Variants in AFG1L observed in about 807,000 individuals in gnomAD.
AFG1L encodes the protein AFG1-like ATPase.
Under a neutral mutation model 62.2 loss-of-function variants are expected in AFG1L, and 53 were observed. The ratio of observed to expected loss-of-function variants is 0.85; its 90% CI spans 0.68 to 1.07. The LOEUF is 1.07. Ranked by LOEUF, AFG1L falls within the 50% of genes least tolerant of loss-of-function variation. AFG1L has a pLI of 0.00. For synonymous variants in AFG1L, 228 were observed against 210.3 expected, an observed-to-expected ratio of 1.08 and a Z score of -0.73; for missense variants, 555 against 590.5, an observed-to-expected ratio of 0.94 and a Z score of 0.62.
intron 10 of AFG1L, among the ~76,000 whole-genome samples, chr6:108,486,827 C>T (rs1773592293): frequency 6.6e-6 from 1 of 152,088 alleles, no homozygotes; most frequent in African/African-American, 2.4e-5. Context: ...GCCTCAGCCT[C>T]CCAAATAGCA....
chr6:108,503,523 G>A (rs915767366), intron 10 of AFG1L, among the ~76,000 whole-genome samples: 18 of 152,112 alleles, frequency 1.2e-4, no homozygotes, highest in African/African-American at 4.1e-4. Flanking sequence ...CTTAAAATAC[G>A]TAGTAAACCA....
At chr6:108,492,230 G>A (rs935010371) in intron 10 of AFG1L, among the ~76,000 whole-genome samples, 8 of 152,262 alleles carry the variant, frequency 5.3e-5, no homozygotes, top group Admixed American at 4.6e-4. Context: ...TCTAGAACCT[G>A]ACCTTGCACT....
chr6:108,399,174 G>GTTTTTTTTTTTTT (rs1424528059), intron 6 of AFG1L, among the ~76,000 whole-genome samples: 1 of 51,414 alleles, frequency 1.9e-5, no homozygotes, highest in Non-Finnish European at 3.7e-5. Flanking sequence ...CACTTCTTTT[G>GTTTTTTTTTTTTT]TTTGTTTTTT....
chr6:108,312,397 A>C (rs1041270521), intron 1 of AFG1L, among the ~76,000 whole-genome samples: 16 of 151,956 alleles, frequency 1.1e-4, no homozygotes, highest in African/African-American at 3.6e-4. Flanking sequence ...AAAAATAAAA[A>C]ATTACCCAGG....
chr6:108,515,831 C>T (rs1209245743), intron 11 of AFG1L, among the ~76,000 whole-genome samples: 3 of 152,136 alleles, frequency 2.0e-5, no homozygotes, highest in Non-Finnish European at 4.4e-5. Context: ...CACCACTGAT[C>T]CCACAGAAAT....
intron 3 of AFG1L, among the ~76,000 whole-genome samples, chr6:108,347,775 CTTTTTTGCCTCCTTGCTTTCAATTAT>C (rs1176572898): frequency 2.0e-5 from 3 of 152,126 alleles, no homozygotes; most frequent in Non-Finnish European, 4.4e-5. Context: ...TTCTACTTGG[CTTTTTTGCCTCCTTGCTTTCAATTAT>C]TTCTTTGATG....
intron 8 of AFG1L, among the ~76,000 whole-genome samples, chr6:108,463,286 C>CA (rs56937746): frequency 0.058 from 2,310 of 39,932 alleles, 106 homozygotes; most frequent in Middle Eastern, 0.11. Flanking sequence ...GAGACTCTGT[C>CA]AAAAAAAAAA....
intron 7 of AFG1L, among the ~76,000 whole-genome samples, chr6:108,423,636 G>A (rs1308651720): frequency 6.6e-6 from 1 of 151,940 alleles, no homozygotes; most frequent in African/African-American, 2.4e-5. Context: ...GCGTTAAATA[G>A]TATATATAGG....
chr6:108,476,941 T>G lies in AFG1L; in HGVS notation c.961+6T>G, dbSNP rs766377778. Reference sequence around the variant, plus strand: ...GGCTCAGAAACAAAATGATTGTACGTAAGTTAATTTCTCTTGAAAGAGAAT... The same window carrying G: ...GGCTCAGAAACAAAATGATTGTACGGAAGTTAATTTCTCTTGAAAGAGAAT... On this transcript the variant is annotated splice_donor_region_variant and intron_variant, in intron 9 of 12. Transcript: ENST00000368977. The G allele has an allele frequency of 6.2e-7, 1 of 1,611,314 alleles. No homozygotes were observed. The highest frequency in any genetic ancestry group is 1.1e-5 in the South Asian group (1 of 90,980).
chr6:108,378,638 C>A (rs975013509), intron 6 of AFG1L, among the ~76,000 whole-genome samples: 8 of 151,870 alleles, frequency 5.3e-5, no homozygotes, highest in African/African-American at 1.9e-4. Flanking sequence ...AGTTCCTTAT[C>A]TGTTATTTCT....
At chr6:108,433,204 G>C (rs72938644) in intron 7 of AFG1L, among the ~76,000 whole-genome samples, 7,199 of 152,134 alleles carry the variant, frequency 0.047, 262 homozygotes, top group South Asian at 0.18. Context: ...AAATAAATCT[G>C]CTTTATTATT....
chr6:108,409,508 A>G (rs533980300), intron 7 of AFG1L, among the ~76,000 whole-genome samples: 1 of 152,298 alleles, frequency 6.6e-6, no homozygotes, highest in Admixed American at 6.5e-5. Flanking sequence ...CGTGATAGAT[A>G]TATTTTGGAG....
At chr6:108,362,660 G>A (rs1213613203) in intron 5 of AFG1L, among the ~76,000 whole-genome samples, 1 of 152,132 alleles carries the variant, frequency 6.6e-6, no homozygotes, top group Admixed American at 6.5e-5. Flanking sequence ...GGAAATTGAG[G>A]GTCAGAGAGG....
intron 10 of AFG1L, among the ~76,000 whole-genome samples, chr6:108,491,707 A>C (rs947723707): frequency 6.6e-5 from 10 of 152,150 alleles, no homozygotes; most frequent in Admixed American, 6.5e-4. Flanking sequence ...TGTTAGTCTT[A>C]CTCATAGTTT....
chr6:108,386,059 G>A (rs1269122104), intron 6 of AFG1L, among the ~76,000 whole-genome samples: 1 of 152,186 alleles, frequency 6.6e-6, no homozygotes, highest in Non-Finnish European at 1.5e-5. Context: ...GCTGCAGTGA[G>A]CTATAATTGT....
chr6:108,414,960 A>C (rs888715447), intron 7 of AFG1L, among the ~76,000 whole-genome samples: 32 of 152,228 alleles, frequency 2.1e-4, no homozygotes, highest in South Asian at 6.2e-4. Flanking sequence ...GTATTCAATT[A>C]GGAAAAGAGG....
chr6:108,463,957 A>C (rs1462635412), intron 8 of AFG1L, among the ~76,000 whole-genome samples: 1 of 152,184 alleles, frequency 6.6e-6, no homozygotes, highest in Non-Finnish European at 1.5e-5. Flanking sequence ...TGCGCAGGCA[A>C]TCAGTAGAGT....
intron 2 of AFG1L, chr6:108,344,959 C>T (rs1778811235): frequency 2.9e-6 from 1 of 348,428 alleles, no homozygotes; most frequent in African/African-American, 2.2e-5. Flanking sequence ...CCACTGTGGT[C>T]CTGGAAGCAG....
At chr6:108,324,088 T>C (rs759041798) in intron 2 of AFG1L, 40 bp downstream of exon 2, 8 of 1,450,984 alleles carry the variant, frequency 5.5e-6, no homozygotes, top group Middle Eastern at 1.8e-4. Context: ...CAGTTAAAAG[T>C]GTAAGCATTT....
Sources: allele counts gnomAD v4.1 joint callset (sites outside exome capture counted in the v4.1 genomes callset), GRCh38; gene constraint gnomAD v4.1.1; transcripts MANE v1.5; gene names NCBI Gene and HGNC (gene_info 2026-07-23, HGNC 2026-07-21).